Variants in CTNNA2 observed in about 807,000 individuals in gnomAD.
The protein encoded by CTNNA2 is catenin alpha-2.
Under a neutral mutation model 101.0 loss-of-function variants are expected in CTNNA2, and 42 were observed. The observed-to-expected ratio is 0.42, with a 90% CI of 0.32 to 0.54. CTNNA2 has a LOEUF of 0.54. Ranked by LOEUF, CTNNA2 falls within the 20% of genes least tolerant of loss-of-function variation. The pLI, the probability that CTNNA2 is intolerant of heterozygous loss-of-function variation, is 0.14. For synonymous variants in CTNNA2, 450 were observed against 456.4 expected, an observed-to-expected ratio of 0.99 and a Z score of 0.18; for missense variants, 871 against 1,223.1, an observed-to-expected ratio of 0.71 and a Z score of 4.29.
chr2:80,027,972 C>CAAAAAAAAAAAAAAAAAAAAAA (rs1177032489), intron 7 of CTNNA2: 3 of 19,840 alleles, frequency 1.5e-4, no homozygotes, highest in African/African-American at 3.2e-4. Context: ...GACCCTGTCT[C>CAAAAAAAAAAAAAAAAAAAAAA]AAAAAAAAAA....
chr2:79,259,258 G>C (rs887822314), intron 2 of CTNNA2, among the ~76,000 whole-genome samples: 6 of 152,134 alleles, frequency 3.9e-5, no homozygotes, highest in Admixed American at 3.9e-4. Flanking sequence ...GAGCAGATGA[G>C]GGGGCATATC....
chr2:80,230,256 C>G (rs1203577229), intron 7 of CTNNA2, among the ~76,000 whole-genome samples: 2 of 103,672 alleles, frequency 1.9e-5, no homozygotes, highest in Admixed American at 1.0e-4. Flanking sequence ...CTTTTTTTTT[C>G]TTTGTTTTTT....
At chr2:80,505,727 C>G (rs1473797950) in intron 9 of CTNNA2, among the ~76,000 whole-genome samples, 2 of 152,222 alleles carry the variant, frequency 1.3e-5, no homozygotes, top group African/African-American at 4.8e-5. Context: ...TTCTATATAA[C>G]ATGCAATAGC....
At chr2:79,330,085 C>T (rs985446567) in intron 3 of CTNNA2, among the ~76,000 whole-genome samples, 9 of 152,120 alleles carry the variant, frequency 5.9e-5, no homozygotes, top group Admixed American at 2.0e-4. Context: ...GTGGTGTCAT[C>T]GTTCACTGCC....
intron 7 of CTNNA2, among the ~76,000 whole-genome samples, chr2:80,232,337 GTTT>G (rs1709270891): frequency 2.2e-5 from 1 of 45,094 alleles, no homozygotes; most frequent in Admixed American, 2.8e-4. Flanking sequence ...TTGTTTGTTT[GTTT>G]GTTTGTTTTT....
chr2:80,595,610 T>G (rs1696882923), intron 15 of CTNNA2, among the ~76,000 whole-genome samples: 1 of 152,226 alleles, frequency 6.6e-6, no homozygotes, highest in African/African-American at 2.4e-5. Flanking sequence ...AGCTGTGGGT[T>G]TTAAAATTTT....
chr2:79,694,542 G>GT lies in CTNNA2; in HGVS notation c.102+42894dup, dbSNP rs138970422. Among the ~76,000 whole-genome samples, 985 of 148,008 alleles carry GT rather than the reference G, an allele frequency of 6.7e-3. 34 individuals carry two copies. The East Asian group carries it at 0.093, about 14-fold the overall frequency. Reference sequence around the variant, plus strand: ...CTTAGTATTTAAGTTTCATTTCTGTGTTTTTTTTTTAACATTGGAAAATAA... The same window carrying GT: ...CTTAGTATTTAAGTTTCATTTCTGTGTTTTTTTTTTTAACATTGGAAAATAA... On this transcript the variant is annotated intron_variant, in intron 2 of 18. Coordinates refer to ENST00000402739, the MANE Select transcript of CTNNA2 (RefSeq NM_001282597.3).
At chr2:80,392,406 GT>G (rs1677599094) in intron 7 of CTNNA2, among the ~76,000 whole-genome samples, 1 of 152,136 alleles carries the variant, frequency 6.6e-6, no homozygotes, top group African/African-American at 2.4e-5. Context: ...CATCCATAAA[GT>G]TTATAGAGCT....
At chr2:79,392,195 G>A (rs541219074) in intron 4 of CTNNA2, among the ~76,000 whole-genome samples, 2 of 152,296 alleles carry the variant, frequency 1.3e-5, no homozygotes, top group South Asian at 2.1e-4. Flanking sequence ...TTTGGCCAAG[G>A]TGATGGGATT....
intron 7 of CTNNA2, among the ~76,000 whole-genome samples, chr2:80,200,393 T>C (rs1243976824): frequency 1.3e-5 from 2 of 152,162 alleles, no homozygotes; most frequent in Admixed American, 1.3e-4. Context: ...CTCACTATCA[T>C]TATGCTGTGT....
intron 2 of CTNNA2, among the ~76,000 whole-genome samples, chr2:79,729,409 A>C (rs1286249198): frequency 6.6e-6 from 1 of 152,168 alleles, no homozygotes; most frequent in Non-Finnish European, 1.5e-5. Context: ...CACCTAAGTA[A>C]GAAATGGGAA....
intron 4 of CTNNA2, among the ~76,000 whole-genome samples, chr2:79,476,036 A>C (rs78226256): frequency 0.022 from 3,399 of 152,320 alleles, 119 homozygotes; most frequent in African/African-American, 0.078. Flanking sequence ...TTATGGAATT[A>C]ATATCAATTA....
At position 79,300,849 on chromosome 2, in the gene CTNNA2, G is replaced by T. The variant is rs185832360; in HGVS notation, c.-405-11860G>T. On this transcript the variant is annotated intron_variant, in intron 2 of 21. Transcript: ENST00000466387. ...TATGTAAATCTTATGTCAGTCTTCTGCTAAAATCATTTGGTGACTCTTCAC... is the reference window on the plus strand; with the variant it reads ...TATGTAAATCTTATGTCAGTCTTCTTCTAAAATCATTTGGTGACTCTTCAC... 7.9e-5 allele frequency among the ~76,000 whole-genome samples: 12 copies of T among 152,168 alleles called. No homozygotes were observed. The East Asian group carries it at 2.3e-3, about 30-fold the overall frequency.
intron 1 of CTNNA2, among the ~76,000 whole-genome samples, chr2:79,608,615 C>CCTTTTAGTGT (rs139003666): frequency 0.051 from 7,707 of 151,940 alleles, 613 homozygotes; most frequent in African/African-American, 0.17. Context: ...ATTTGGAAAC[C>CCTTTTAGTGT]AATTAGTGTA....
intron 7 of CTNNA2, chr2:80,313,683 G>T (rs1281860871): frequency 6.4e-7 from 1 of 1,550,782 alleles, no homozygotes; most frequent in Non-Finnish European, 8.8e-7. Flanking sequence ...TAAGAAAGGA[G>T]TGTGAATTTA....
intron 4 of CTNNA2, among the ~76,000 whole-genome samples, chr2:79,495,092 A>G (rs532201509): frequency 1.6e-4 from 24 of 152,184 alleles, no homozygotes; most frequent in Non-Finnish European, 3.2e-4. Context: ...GACAGAGCAA[A>G]ACTCCGTCTC....
At chr2:79,195,740 G>A (rs1673950586) in intron 1 of CTNNA2, 1 of 461,324 alleles carries the variant, frequency 2.2e-6, no homozygotes, top group Non-Finnish European at 4.3e-6. Flanking sequence ...ACAGAGGGAT[G>A]TGTCATATCA....
chr2:80,232,341 GTTTGTTTTTTTT>G (rs1709280218), intron 7 of CTNNA2, among the ~76,000 whole-genome samples: 15 of 82,062 alleles, frequency 1.8e-4, no homozygotes, highest in African/African-American at 4.6e-4. Flanking sequence ...TTGTTTGTTT[GTTTGTTTTTTTT>G]TTTTTTTTTT....
intron 7 of CTNNA2, among the ~76,000 whole-genome samples, chr2:80,151,228 C>T (rs1000518545): frequency 6.6e-6 from 1 of 152,224 alleles, no homozygotes; most frequent in African/African-American, 2.4e-5. Context: ...CACTGCCTTT[C>T]CTTCCCTGTG....
Sources: gnomAD v4.1 joint callset for allele counts (sites outside exome capture counted in the v4.1 genomes callset) on GRCh38, gnomAD v4.1.1 for gene constraint, MANE v1.5 for transcripts, NCBI Gene and HGNC (gene_info 2026-07-23, HGNC 2026-07-21) for gene names.